The following PLEKHA4 variants were observed in gnomAD, a reference collection of about 807,000 sequenced individuals.
PLEKHA4 encodes pleckstrin homology domain-containing family A member 4.
In PLEKHA4, 73 loss-of-function variants were observed where a neutral mutation model predicts 94.7. The ratio of observed to expected loss-of-function variants is 0.77; its 90% CI spans 0.64 to 0.94. The LOEUF (loss-of-function observed/expected upper bound fraction) is 0.94, where lower values mean the gene tolerates loss of function less well. Ranked by LOEUF, PLEKHA4 falls within the 40% of genes least tolerant of loss-of-function variation. The pLI is 0.00. For synonymous variants in PLEKHA4, 449 were observed against 437.1 expected (o/e 1.03, Z -0.34); for missense variants, 1,049 against 1,054.1 (o/e 1.00, Z 0.07).
In PLEKHA4 at chr19:48,857,408, T is replaced by G; in HGVS notation, c.1047+14A>C. 6.9e-7 allele frequency: 1 copy of G among 1,452,540 alleles called. No homozygotes were observed. The allele number at this position is 1,452,540 out of a possible 1,614,324, so 90.0% of individuals were successfully genotyped here. A position where few individuals can be genotyped will look rare whatever the true frequency, so the allele number is the denominator to read the frequency against. Reference sequence around the variant, plus strand: ...GGGGGCTCCGGTAGATTTAGGGTACTCCAGGATACCTACCAATAAAACCAT... The same window carrying G: ...GGGGGCTCCGGTAGATTTAGGGTACGCCAGGATACCTACCAATAAAACCAT... On this transcript the variant is annotated intron_variant, in intron 9 of 19. Coordinates refer to ENST00000263265, the MANE Select transcript of PLEKHA4 (RefSeq NM_020904.3).
intron 12 of PLEKHA4, 33 bp downstream of exon 12, chr19:48,853,649 C>T: frequency 6.7e-7 from 1 of 1,486,928 alleles, no homozygotes. Context: ...CCTGGGGCCT[C>T]CTAGGAGGGC....
rs746800181 is a variant in PLEKHA4, at chr19:48,861,577, C to CG, written c.265+42dup. The stretch of plus-strand genomic sequence containing the variant: ...ATGCTAGAGAGAAGGGCAGACTGGG[C>CG]GGGGGGGCCCTCCCACCCCAAGCCA... On this transcript the variant is annotated intron_variant, in intron 4 of 19. Coordinates refer to ENST00000263265, the MANE Select transcript of PLEKHA4 (RefSeq NM_020904.3). The CG allele has an allele frequency of 2.1e-4, 342 of 1,608,662 alleles. 2 individuals are homozygous for CG. The African/African-American group carries it at 3.5e-3, about 16-fold the overall frequency.
rs1568558852 is a variant in PLEKHA4 at position 48,867,966 on chromosome 19, G to A, written c.-7+117C>T. 3.9e-6 allele frequency: 1 copy of A among 256,078 alleles called. No homozygotes were observed. Among genetic ancestry groups the A allele is most frequent in the Non-Finnish European group, 7.6e-6 (1 of 132,294 alleles). 15.9% of individuals were successfully genotyped at this position (256,078 alleles called of 1,614,324 possible). ...TCCTTCCGGCTGCCCCAGGCTACCT[G>A]TCTCCCGCCCTCCCACATGCACCCC... On this transcript the variant is annotated intron_variant, in intron 1 of 19. Coordinates refer to ENST00000263265, the MANE Select transcript of PLEKHA4 (RefSeq NM_020904.3). This position sits in a 1 kb window ranked among gnomAD's most constrained non-coding sequence, Gnocchi z 4.7.
Position 48,865,525 on chromosome 19 carries a change from A to T in PLEKHA4, c.170T>A (p.Ile57Asn). The T allele has an allele frequency of 6.2e-7, 1 of 1,613,848 alleles. No homozygotes were observed. Among genetic ancestry groups the T allele is most frequent in the Non-Finnish European group, 8.5e-7 (1 of 1,179,864 alleles). The change falls in exon 3 of 20, where the codon ATC becomes AAC. Residue 57 changes from isoleucine to asparagine, a missense_variant. Physicochemically the swap from Ile to Asn is moderately radical, Grantham distance 149 (BLOSUM62 -3). Coordinates refer to ENST00000263265, the MANE Select transcript of PLEKHA4 (RefSeq NM_020904.3). ...LRRDPNLPVH[I>N]RGWLHKQDSS... ...CACCTGCTTATGAAGCCAGCCTCGG[A>T]TGTGCACGGGAAGGTTGGGATCCCT...
rs772871018 is a variant in PLEKHA4, at chr19:48,852,220, C to T, written c.1425+8G>A. The T allele has an allele frequency of 3.1e-6, 5 of 1,611,546 alleles. No individual in the cohort carries two copies. The highest frequency in any genetic ancestry group is 3.3e-5 in the Admixed American group (2 of 59,942). On this transcript the variant is annotated splice_region_variant and intron_variant, in intron 13 of 19. Coordinates refer to ENST00000263265, the MANE Select transcript of PLEKHA4 (RefSeq NM_020904.3). ...GGTGGGTCTTGGGGTCTCCAAGCAG[C>T]GATTTACCTGGGGAGAACCAAGGTG...
chr19:48,865,455 G>T, intron 3 of PLEKHA4, 48 bp downstream of exon 3: 1 of 1,447,770 alleles, frequency 6.9e-7, no homozygotes, highest in Non-Finnish European at 9.7e-7. Context: ...ACAGAGGACA[G>T]CCGGGGCACA....
chr19:48,844,724 A>G (rs550107581), intron 16 of PLEKHA4: 1 of 827,294 alleles, frequency 1.2e-6, no homozygotes, highest in East Asian at 1.2e-4. Flanking sequence ...CCAATTCCTA[A>G]ACATTCCTGC....
At chr19:48,856,716 T>G (rs2123077464) in intron 9 of PLEKHA4, among the ~76,000 whole-genome samples, 1 of 150,006 alleles carries the variant, frequency 6.7e-6, no homozygotes, top group African/African-American at 2.5e-5. Flanking sequence ...AGACTCTGTC[T>G]CAAGAAAAAA....
At chr19:48,866,991 G>T (rs145565260) in intron 2 of PLEKHA4, among the ~76,000 whole-genome samples, 1 of 152,264 alleles carries the variant, frequency 6.6e-6, no homozygotes, top group East Asian at 1.9e-4. Flanking sequence ...GGAAGCGGTG[G>T]TACTGACCAA....
chr19:48,837,923 G>T lies in PLEKHA4; in HGVS notation c.2077+94C>A. ...CTCACCAAGATAAAAAATTCTCACCGGCCCCCAGACCCCTCCTCTCCAGGA... is the reference window on the plus strand; with the variant it reads ...CTCACCAAGATAAAAAATTCTCACCTGCCCCCAGACCCCTCCTCTCCAGGA... On this transcript the variant is annotated intron_variant, in intron 19 of 19. Transcript: ENST00000263265. This position sits in a 1 kb window ranked among gnomAD's most constrained non-coding sequence, Gnocchi z 4.3. 3.8e-6 allele frequency: 4 copies of T among 1,040,556 alleles called. No individual in the cohort carries two copies. Among genetic ancestry groups the T allele is most frequent in the Non-Finnish European group, 4.3e-6 (3 of 696,590 alleles). 64.5% of individuals were successfully genotyped at this position (1,040,556 alleles called of 1,614,324 possible). A position where few individuals can be genotyped will look rare whatever the true frequency, so the allele number is the denominator to read the frequency against.
intron 14 of PLEKHA4, among the ~76,000 whole-genome samples, chr19:48,846,823 A>G (rs1233722253): frequency 2.0e-5 from 3 of 151,952 alleles, no homozygotes; most frequent in Non-Finnish European, 4.4e-5. Flanking sequence ...TCAAATCCCA[A>G]CTGTGCCATT....
At chr19:48,866,394 C>T (rs1178512807) in intron 2 of PLEKHA4, among the ~76,000 whole-genome samples, 1 of 152,088 alleles carries the variant, frequency 6.6e-6, no homozygotes, top group Non-Finnish European at 1.5e-5. Context: ...GCAACCCCTG[C>T]CTCTCGGGTT....
intron 3 of PLEKHA4, among the ~76,000 whole-genome samples, chr19:48,864,590 T>C (rs2036765751): frequency 6.6e-6 from 1 of 152,170 alleles, no homozygotes; most frequent in South Asian, 2.1e-4. Flanking sequence ...AGACAGGGTC[T>C]CACTCTGTCA....
At chr19:48,863,012 T>C (rs561616126) in intron 3 of PLEKHA4, among the ~76,000 whole-genome samples, 91 of 152,312 alleles carry the variant, frequency 6.0e-4, no homozygotes, top group African/African-American at 2.1e-3. Flanking sequence ...AAGGTGGCAA[T>C]GAGCCATGAC....
rs747615673 is a variant in PLEKHA4 at position 48,859,661 on chromosome 19, C to A, written c.500G>T (p.Arg167Leu). The A allele has an allele frequency of 1.2e-6, 2 of 1,612,112 alleles. No homozygotes were observed. The highest frequency in any genetic ancestry group is 3.3e-5 in the Admixed American group (2 of 59,816). Residue 167 changes from arginine (R) to leucine (L), a missense_variant, in exon 7 of 20, where the codon CGA becomes CTA. By Grantham distance (102) the Arg-to-Leu change is moderately radical (BLOSUM62 -2). Coordinates refer to ENST00000263265, the MANE Select transcript of PLEKHA4 (RefSeq NM_020904.3). ...DDYGQPRSPARPQPGEGPGGP... is the reference protein window; with the variant it reads ...DDYGQPRSPALPQPGEGPGGP... ...GCCGGGGCCCTCCCCGGGCTGGGGT[C>A]GTGCAGGTGACCTGGGTTGCCCACT...
intron 13 of PLEKHA4, among the ~76,000 whole-genome samples, chr19:48,848,292 CCGG>C: frequency 6.8e-6 from 1 of 148,084 alleles, no homozygotes; most frequent in Non-Finnish European, 1.5e-5. Flanking sequence ...CGAGACCATC[CCGG>C]CTAAAACGGT....
At chr19:48,862,891 G>C (rs1209184949) in intron 3 of PLEKHA4, among the ~76,000 whole-genome samples, 1 of 152,214 alleles carries the variant, frequency 6.6e-6, no homozygotes, top group Non-Finnish European at 1.5e-5. Flanking sequence ...ATCCGCTGGA[G>C]ATTGAGAAGT....
chr19:48,860,305 G>C lies in PLEKHA4; in HGVS notation c.476+45C>G, dbSNP rs770750428. Reference sequence around the variant, plus strand: ...GGGGAGGAGTTGGGATGACGAGACTGACTCAGGGTGGAGGGTCAGGAGCAT... The same window carrying C: ...GGGGAGGAGTTGGGATGACGAGACTCACTCAGGGTGGAGGGTCAGGAGCAT... On this transcript the variant is annotated intron_variant, in intron 6 of 19. Coordinates refer to ENST00000263265, the MANE Select transcript of PLEKHA4 (RefSeq NM_020904.3). The C allele has an allele frequency of 3.3e-6, 5 of 1,521,992 alleles. No individual in the cohort carries two copies. In the East Asian group the frequency reaches 1.1e-4, roughly 34 times the overall value. The allele number at this position is 1,521,992 out of a possible 1,614,324, so 94.3% of individuals were successfully genotyped here.
intron 9 of PLEKHA4, 86 bp from the exon 10 acceptor site, chr19:48,854,350 T>C: frequency 9.1e-7 from 1 of 1,097,322 alleles, no homozygotes; most frequent in South Asian, 1.2e-5. Flanking sequence ...CTGTCTCTAC[T>C]GATAGGTACT....
Sources: allele counts gnomAD v4.1 joint callset (sites outside exome capture counted in the v4.1 genomes callset), GRCh38; gene constraint gnomAD v4.1.1; non-coding constraint Gnocchi (gnomAD v3.1); transcripts MANE v1.5; gene names NCBI Gene and HGNC (gene_info 2026-07-23, HGNC 2026-07-21).